Variants in PCLO observed in about 807,000 individuals in gnomAD.
The protein encoded by PCLO is piccolo presynaptic cytomatrix protein.
In PCLO, 82 loss-of-function variants were observed where a neutral mutation model predicts 427.5. The observed-to-expected ratio is 0.19, with a 90% CI of 0.16 to 0.23. PCLO has a LOEUF of 0.23. PCLO is among the 10% of genes least tolerant of loss of function. The pLI, the probability that PCLO is intolerant of heterozygous loss-of-function variation, is 1.00. For missense variants in PCLO, 6,239 were observed against 6,115.9 expected (o/e 1.02, Z -0.67); for synonymous variants, 2,357 against 2,155.4 (o/e 1.09, Z -2.59).
chr7:82,867,710 G>A (rs546299271), intron 10 of PCLO, among the ~76,000 whole-genome samples: 31 of 152,088 alleles, frequency 2.0e-4, no homozygotes, highest in Non-Finnish European at 4.1e-4. Flanking sequence ...CTTGATGAAG[G>A]CAATCAAATT....
chr7:83,105,332 G>C (rs576060019), intron 3 of PCLO, among the ~76,000 whole-genome samples: 1 of 152,196 alleles, frequency 6.6e-6, no homozygotes, highest in East Asian at 1.9e-4. Context: ...ACTTACACCA[G>C]AAGCAAAGTC....
At chr7:83,059,790 T>C (rs1380302441) in intron 3 of PCLO, among the ~76,000 whole-genome samples, 1 of 151,928 alleles carries the variant, frequency 6.6e-6, no homozygotes, top group African/African-American at 2.4e-5. Flanking sequence ...GTTTCCCAAT[T>C]AGATGGAAAG....
At chr7:82,997,101 T>C (rs1787639267) in intron 3 of PCLO, among the ~76,000 whole-genome samples, 1 of 151,794 alleles carries the variant, frequency 6.6e-6, no homozygotes, top group Admixed American at 6.6e-5. Flanking sequence ...ATCAAACACG[T>C]TTGGGTCATC....
intron 3 of PCLO, among the ~76,000 whole-genome samples, chr7:82,992,627 C>G (rs1006562012): frequency 1.3e-5 from 2 of 151,838 alleles, no homozygotes; most frequent in African/African-American, 4.8e-5. Context: ...AGCATTAGGA[C>G]AAATATCTAA....
At chr7:83,010,163 T>C (rs1235754953) in intron 3 of PCLO, among the ~76,000 whole-genome samples, 1 of 151,948 alleles carries the variant, frequency 6.6e-6, no homozygotes, top group East Asian at 1.9e-4. Context: ...TGACCTTAAA[T>C]ATCAGTGTTT....
chr7:82,998,898 T>G (rs999960529), intron 3 of PCLO, among the ~76,000 whole-genome samples: 6 of 151,774 alleles, frequency 4.0e-5, no homozygotes, highest in Admixed American at 2.0e-4. Flanking sequence ...TTAAAACAAG[T>G]ATAATTAATA....
chr7:82,766,939 G>A (rs1042950790), intron 22 of PCLO, among the ~76,000 whole-genome samples: 3 of 152,128 alleles, frequency 2.0e-5, no homozygotes, highest in African/African-American at 4.8e-5. Flanking sequence ...AAGAAAGGAC[G>A]TGCTTACTGA....
At chr7:83,012,055 T>C (rs886139230) in intron 3 of PCLO, among the ~76,000 whole-genome samples, 1 of 152,154 alleles carries the variant, frequency 6.6e-6, no homozygotes, top group African/African-American at 2.4e-5. Context: ...TTGTATCATA[T>C]ACACTATTTT....
chr7:82,866,416 C>T (rs1793094081), intron 10 of PCLO, among the ~76,000 whole-genome samples: 1 of 151,546 alleles, frequency 6.6e-6, no homozygotes, highest in African/African-American at 2.4e-5. Flanking sequence ...GAATGTAAGA[C>T]CCATGCTTTC....
At chr7:83,078,889 A>G (rs1453639691) in intron 3 of PCLO, among the ~76,000 whole-genome samples, 1 of 152,114 alleles carries the variant, frequency 6.6e-6, no homozygotes, top group Non-Finnish European at 1.5e-5. Context: ...GCATTTATAA[A>G]ATAATACCAG....
intron 19 of PCLO, 143 bp from the exon 20 acceptor site, chr7:82,822,832 C>G: frequency 2.8e-6 from 2 of 713,176 alleles, no homozygotes; most frequent in East Asian, 5.1e-5. Flanking sequence ...GGTCATCATA[C>G]AGAATGATGA....
In PCLO at chr7:83,155,121, G is replaced by T. The variant is rs369207658; in HGVS notation, c.1520C>A (p.Thr507Lys). The T allele has an allele frequency of 1.9e-6, 3 of 1,540,254 alleles. No individual in the cohort carries two copies. Among genetic ancestry groups the T allele is most frequent in the Non-Finnish European group, 2.6e-6 (3 of 1,133,410 alleles). ...AKPPSQQPGS[T>K]KPPPQQPGPA... ...GCCAGGCTGTTGAGGTGGGGGTTTT[G>T]TTGAGCCAGGCTGTTGAGATGGGGG... is the stretch of plus-strand genomic sequence containing the variant. Residue 507 changes from threonine to lysine, a missense_variant, in exon 2 of 25, where the codon ACA (threonine) becomes AAA (lysine). Thr to Lys is a moderately conservative substitution (Grantham distance 78). This residue lies in a region of PCLO where 4,677 missense variants were observed against 4,468.4 expected (regional missense o/e 1.05). Transcript: ENST00000333891.
In PCLO at chr7:82,953,091, G is replaced by C; in HGVS notation, c.7862C>G (p.Ser2621Cys). ...TACAGCTGTCACAGGAGGAACTACA[G>C]AAAACACAGGTTCAACAGAAACCAG... Reference protein sequence around the residue: ...KDLVSVEPVFSVVPPVTAVEI... With the variant: ...KDLVSVEPVFCVVPPVTAVEI... The change falls in exon 5 of 25, where the codon TCT becomes TGT. Residue 2621 changes from serine to cysteine, a missense_variant. Coordinates refer to ENST00000333891, the MANE Select transcript of PCLO (RefSeq NM_033026.6). 1 of 1,613,952 alleles carries C rather than the reference G, an allele frequency of 6.2e-7. No individual in the cohort carries two copies. Among genetic ancestry groups the C allele is most frequent in the East Asian group, 2.2e-5 (1 of 44,884 alleles).
chr7:83,158,479 T>C (rs1792353272), intron 1 of PCLO, among the ~76,000 whole-genome samples: 1 of 151,754 alleles, frequency 6.6e-6, no homozygotes, highest in African/African-American at 2.4e-5. Flanking sequence ...TTAAATAACT[T>C]CCCTGTACAG....
chr7:82,767,123 A>AAAAC (rs202187289), intron 22 of PCLO, among the ~76,000 whole-genome samples: 115 of 152,210 alleles, frequency 7.6e-4, no homozygotes, highest in Admixed American at 1.2e-3. Context: ...GCCTTTGAAC[A>AAAAC]AAACAAACAA....
At chr7:82,772,504 T>C (rs1380327170) in intron 22 of PCLO, among the ~76,000 whole-genome samples, 1 of 152,108 alleles carries the variant, frequency 6.6e-6, no homozygotes, top group Non-Finnish European at 1.5e-5. Flanking sequence ...GAAGAATAAT[T>C]CTGTAAGCTT....
chr7:83,123,143 C>T (rs1396217551), intron 3 of PCLO, among the ~76,000 whole-genome samples: 1 of 152,026 alleles, frequency 6.6e-6, no homozygotes, highest in East Asian at 1.9e-4. Flanking sequence ...TATATAGAAC[C>T]ACAAAAGACC....
At chr7:82,868,395 A>C (rs1793148760) in intron 10 of PCLO, among the ~76,000 whole-genome samples, 1 of 152,134 alleles carries the variant, frequency 6.6e-6, no homozygotes, top group Admixed American at 6.6e-5. Flanking sequence ...AAAACAGCTA[A>C]TTTCATCCTT....
intron 11 of PCLO, 61 bp from the exon 12 acceptor site, chr7:82,846,695 T>C: frequency 9.1e-7 from 1 of 1,093,790 alleles, no homozygotes; most frequent in Non-Finnish European, 1.3e-6. Context: ...AAGAGCACTT[T>C]TTTCCAACTA....
Sources: allele counts gnomAD v4.1 joint callset (sites outside exome capture counted in the v4.1 genomes callset), GRCh38; gene constraint gnomAD v4.1.1; regional missense constraint gnomAD v4.1.1; transcripts MANE v1.5; gene names NCBI Gene and HGNC (gene_info 2026-07-23, HGNC 2026-07-21).